FAT3: variants seen among roughly 807,000 people sequenced by gnomAD.
FAT3 encodes the protein FAT atypical cadherin 3.
A neutral mutation model predicts 310.2 loss-of-function variants in FAT3; 95 were observed. The ratio of observed to expected loss-of-function variants is 0.31; its 90% CI spans 0.26 to 0.36. FAT3 has a LOEUF of 0.36. Ranked by LOEUF, FAT3 falls within the 10% of genes least tolerant of loss-of-function variation. FAT3 has a pLI of 1.00. For synonymous variants in FAT3, 2,314 were observed against 2,192.9 expected (o/e 1.06, Z -1.54); for missense variants, 5,408 against 5,715.6 (o/e 0.95, Z 1.74).
chr11:92,859,949 C>A (rs1949079493), intron 21 of FAT3, among the ~76,000 whole-genome samples: 4 of 152,084 alleles, frequency 2.6e-5, no homozygotes, highest in Admixed American at 2.6e-4. Context: ...ACCTGTAATC[C>A]CAACACTTTG....
chr11:92,832,936 C>A (rs1455606107), intron 14 of FAT3, among the ~76,000 whole-genome samples: 1 of 152,140 alleles, frequency 6.6e-6, no homozygotes, highest in African/African-American at 2.4e-5. Context: ...AATTCATGGT[C>A]AGAACACTCA....
chr11:92,318,601 C>A (rs2134483148), intron 1 of FAT3, among the ~76,000 whole-genome samples: 1 of 152,270 alleles, frequency 6.6e-6, no homozygotes, highest in Non-Finnish European at 1.5e-5. Context: ...AAAACTCCAG[C>A]TTATGGAAAT....
At chr11:92,414,925 G>A (rs574169798) in intron 2 of FAT3, among the ~76,000 whole-genome samples, 10 of 152,132 alleles carry the variant, frequency 6.6e-5, no homozygotes, top group Admixed American at 2.6e-4. Flanking sequence ...CAGGAGAATG[G>A]CATGAACCCG....
chr11:92,856,066 A>G (rs1428936770), intron 19 of FAT3, among the ~76,000 whole-genome samples: 1 of 148,494 alleles, frequency 6.7e-6, no homozygotes, highest in East Asian at 2.0e-4. Context: ...CTGTAACCTC[A>G]AATTTCTGAC....
At chr11:92,711,113 T>A (rs545958946) in intron 4 of FAT3, among the ~76,000 whole-genome samples, 1 of 152,276 alleles carries the variant, frequency 6.6e-6, no homozygotes, top group Non-Finnish European at 1.5e-5. Context: ...AAATTGATGA[T>A]TGTGTTTTAA....
intron 1 of FAT3, among the ~76,000 whole-genome samples, chr11:92,244,256 C>A (rs556731636): frequency 6.6e-6 from 1 of 152,170 alleles, no homozygotes; most frequent in Admixed American, 6.5e-5. Flanking sequence ...TTCTTTTGGG[C>A]AGAAACCCTT....
chr11:92,704,172 T>C (rs541406461), intron 4 of FAT3, among the ~76,000 whole-genome samples: 2 of 152,344 alleles, frequency 1.3e-5, no homozygotes, highest in East Asian at 3.9e-4. Flanking sequence ...GATCAGTCTC[T>C]ATGCATCTGA....
At chr11:92,445,368 A>G (rs137991634) in intron 2 of FAT3, among the ~76,000 whole-genome samples, 261 of 152,168 alleles carry the variant, frequency 1.7e-3, no homozygotes, top group South Asian at 3.1e-3. Flanking sequence ...GTGTTCTTCA[A>G]TGCTCCCCAG....
At chr11:92,549,544 A>G (rs987424755) in intron 3 of FAT3, among the ~76,000 whole-genome samples, 3 of 152,104 alleles carry the variant, frequency 2.0e-5, no homozygotes, top group Non-Finnish European at 2.9e-5. Flanking sequence ...GACATATGAC[A>G]ATGTTATGAC....
chr11:92,293,553 A>ATATAT (rs1565206851), intron 1 of FAT3, among the ~76,000 whole-genome samples: 367 of 16,060 alleles, frequency 0.023, 13 homozygotes, highest in African/African-American at 0.051. Context: ...TATATATATA[A>ATATAT]ATAAAATATA....
intron 1 of FAT3, among the ~76,000 whole-genome samples, chr11:92,318,667 A>G (rs1384847924): frequency 6.6e-6 from 1 of 152,250 alleles, no homozygotes; most frequent in East Asian, 1.9e-4. Flanking sequence ...TGAAATACCC[A>G]TAAGAGTAAA....
At chr11:92,567,369 T>C (rs1363508482) in intron 3 of FAT3, among the ~76,000 whole-genome samples, 1 of 150,578 alleles carries the variant, frequency 6.6e-6, no homozygotes, top group African/African-American at 2.5e-5. Context: ...TGGCAATCAT[T>C]AAAAAGTCAG....
chr11:92,702,213 G>T (rs542279811), intron 4 of FAT3, among the ~76,000 whole-genome samples: 3 of 152,264 alleles, frequency 2.0e-5, no homozygotes, highest in African/African-American at 7.2e-5. Context: ...GGTAGCCATG[G>T]TCAGCATGGA....
At chr11:92,826,749 T>C (rs1308558817) in intron 13 of FAT3, among the ~76,000 whole-genome samples, 1 of 152,216 alleles carries the variant, frequency 6.6e-6, no homozygotes, top group Non-Finnish European at 1.5e-5. Context: ...AAAAACCAGT[T>C]TACTGCAACT....
chr11:92,287,990 C>T (rs373983846), intron 1 of FAT3, among the ~76,000 whole-genome samples: 2 of 152,006 alleles, frequency 1.3e-5, no homozygotes, highest in Admixed American at 6.6e-5. Flanking sequence ...TATGGAGGCA[C>T]GTCTTTGTAA....
chr11:92,343,939 A>G (rs1948341742), intron 1 of FAT3, among the ~76,000 whole-genome samples: 1 of 152,138 alleles, frequency 6.6e-6, no homozygotes. Context: ...TTATTTCACA[A>G]AACACTCTTT....
At position 92,556,640 on chromosome 11, in the gene FAT3, C is replaced by A. The variant is rs930533490; in HGVS notation, c.3607+31692C>A. Among the ~76,000 whole-genome samples the A allele has an allele frequency of 2.0e-5, 3 of 152,176 alleles. 1 individual carries two copies. The highest frequency in any genetic ancestry group is 1.5e-5 in the Non-Finnish European group (1 of 68,050). On this transcript the variant is annotated intron_variant, in intron 3 of 27. Coordinates refer to ENST00000525166, the MANE Select transcript of FAT3 (RefSeq NM_001367949.2). ...CGGTACTCTCCAAGGTGCTGGAATA[C>A]TACAAGGAACCTTTGTTTCATGAAC...
chr11:92,764,418 A>G (rs1376804100), intron 5 of FAT3, among the ~76,000 whole-genome samples: 1 of 152,078 alleles, frequency 6.6e-6, no homozygotes, highest in Admixed American at 6.6e-5. Context: ...GCAAAACACA[A>G]CCACACACAT....
Position 92,790,203 on chromosome 11 carries a change from C to T in FAT3, c.4596C>T (p.His1532=), listed in dbSNP as rs1947004169. 2 of 1,613,468 alleles carry T rather than the reference C, an allele frequency of 1.2e-6. No homozygotes were observed. Among genetic ancestry groups the T allele is most frequent in the African/African-American group, 1.3e-5 (1 of 74,880 alleles). The change falls in exon 8 of 28, where the codon CAC becomes CAT. Residue 1532 remains histidine, a synonymous_variant. Transcript: ENST00000525166. ...ERLDHEAQDK[H]ILNIMVRDQE... ...TGGACCATGAGGCCCAGGACAAGCA[C>T]ATTCTCAACATAATGGTAGGACCAA...
Sources: gnomAD v4.1 joint callset for allele counts (sites outside exome capture counted in the v4.1 genomes callset) on GRCh38, gnomAD v4.1.1 for gene constraint, MANE v1.5 for transcripts, NCBI Gene and HGNC (gene_info 2026-07-23, HGNC 2026-07-21) for gene names.